Variants in SPAG16 observed in about 807,000 individuals in gnomAD.
SPAG16 encodes sperm associated antigen 16.
In SPAG16, 86 loss-of-function variants were observed where a neutral mutation model predicts 80.4. That is an observed-to-expected ratio of 1.07 (90% CI 0.90 to 1.28). The LOEUF (loss-of-function observed/expected upper bound fraction) is 1.28. Among genes scored for constraint, SPAG16 ranks in the 50% most tolerant of loss-of-function variants. The pLI, the probability that SPAG16 is intolerant of heterozygous loss-of-function variation, is 0.00. For synonymous variants in SPAG16, 294 were observed against 265.9 expected (o/e 1.11, Z -1.03); for missense variants, 870 against 765.3 (o/e 1.14, Z -1.61).
chr2:213,412,188 C>T (rs2069011554), intron 9 of SPAG16, among the ~76,000 whole-genome samples: 1 of 152,172 alleles, frequency 6.6e-6, no homozygotes, highest in Non-Finnish European at 1.5e-5. Flanking sequence ...TTCCAATTAC[C>T]TGCTATCTGC....
intron 14 of SPAG16, among the ~76,000 whole-genome samples, chr2:214,148,776 T>A (rs1367894093): frequency 6.6e-6 from 1 of 152,092 alleles, no homozygotes; most frequent in African/African-American, 2.4e-5. Flanking sequence ...ATGATATATG[T>A]ATATATATGC....
intron 10 of SPAG16, among the ~76,000 whole-genome samples, chr2:213,671,949 C>A (rs1037652567): frequency 3.9e-5 from 6 of 152,050 alleles, no homozygotes; most frequent in Non-Finnish European, 7.4e-5. Context: ...AAATATTATC[C>A]CCATTTATCT....
At chr2:214,156,504 G>A (rs904746507) in intron 15 of SPAG16, among the ~76,000 whole-genome samples, 1 of 152,168 alleles carries the variant, frequency 6.6e-6, no homozygotes, top group East Asian at 1.9e-4. Context: ...ACTGGGCCAG[G>A]CATGGTGGCT....
chr2:214,325,958 C>T (rs1267658582), intron 15 of SPAG16, among the ~76,000 whole-genome samples: 2 of 152,086 alleles, frequency 1.3e-5, no homozygotes, highest in Non-Finnish European at 1.5e-5. Context: ...CAAAACTAGC[C>T]CTAGCACACA....
At chr2:213,777,625 T>A (rs1479124245) in intron 10 of SPAG16, among the ~76,000 whole-genome samples, 1 of 152,124 alleles carries the variant, frequency 6.6e-6, no homozygotes, top group Non-Finnish European at 1.5e-5. Context: ...GCCGGGATGG[T>A]CTCGATCTCC....
intron 10 of SPAG16, among the ~76,000 whole-genome samples, chr2:213,535,414 C>T (rs559535312): frequency 2.6e-5 from 4 of 152,108 alleles, no homozygotes; most frequent in Non-Finnish European, 5.9e-5. Flanking sequence ...ACAAATTCAA[C>T]TTCTAGAGAC....
rs576328658 is a variant in SPAG16 at position 214,410,384 on chromosome 2, C to G, written c.*69C>G. On this transcript the variant is annotated 3_prime_UTR_variant, in exon 16 of 16. Coordinates refer to ENST00000331683, the MANE Select transcript of SPAG16 (RefSeq NM_024532.5). ...GAAAATGCCTCCTGTAGTCCCAAAC[C>G]AGCAAAGAACTGGTTAAATGTGCCA... 1.2e-5 allele frequency: 17 copies of G among 1,410,856 alleles called. No homozygotes were observed. The highest frequency in any genetic ancestry group is 2.9e-5 in the African/African-American group (2 of 69,954). The allele number at this position is 1,410,856 out of a possible 1,614,324, so 87.4% of individuals were successfully genotyped here.
chr2:214,157,834 A>T (rs1018509213), intron 15 of SPAG16, among the ~76,000 whole-genome samples: 31 of 152,248 alleles, frequency 2.0e-4, no homozygotes, highest in Middle Eastern at 3.4e-3. Context: ...GAAAGATTGT[A>T]TACTTAATCT....
chr2:213,922,105 C>T (rs1255392754), intron 11 of SPAG16, among the ~76,000 whole-genome samples: 1 of 152,168 alleles, frequency 6.6e-6, no homozygotes, highest in Non-Finnish European at 1.5e-5. Flanking sequence ...GTACAATATC[C>T]TGATATATGT....
chr2:213,817,347 T>C (rs2125683652), intron 10 of SPAG16, among the ~76,000 whole-genome samples: 1 of 150,700 alleles, frequency 6.6e-6, no homozygotes, highest in East Asian at 1.9e-4. Context: ...GAAAAGATGC[T>C]GGTGAGACTA....
chr2:213,618,358 T>C (rs2061666023), intron 10 of SPAG16, among the ~76,000 whole-genome samples: 1 of 152,196 alleles, frequency 6.6e-6, no homozygotes, highest in African/African-American at 2.4e-5. Context: ...ATTATGATAT[T>C]TTTCCTTCAT....
chr2:213,676,148 A>G (rs1361610347), intron 10 of SPAG16, among the ~76,000 whole-genome samples: 2 of 151,432 alleles, frequency 1.3e-5, no homozygotes, highest in African/African-American at 2.4e-5. Flanking sequence ...CTTTGAAGCA[A>G]TTGTGAATGG....
chr2:214,190,545 G>A (rs180755355), intron 15 of SPAG16, among the ~76,000 whole-genome samples: 14 of 152,026 alleles, frequency 9.2e-5, no homozygotes, highest in African/African-American at 3.4e-4. Flanking sequence ...GACTACAAAG[G>A]CTATTATCTC....
At chr2:214,017,510 A>T (rs563865981) in intron 13 of SPAG16, among the ~76,000 whole-genome samples, 5 of 152,076 alleles carry the variant, frequency 3.3e-5, no homozygotes, top group African/African-American at 1.2e-4. Flanking sequence ...ACTTTCTCTT[A>T]TGTGAAAAAC....
intron 13 of SPAG16, among the ~76,000 whole-genome samples, chr2:214,022,525 G>T (rs533864530): frequency 2.6e-5 from 4 of 152,236 alleles, no homozygotes; most frequent in African/African-American, 7.2e-5. Context: ...TGACAGATGA[G>T]AACTCAGTAT....
At chr2:214,241,094 T>G (rs981682042) in intron 15 of SPAG16, 3 of 152,208 alleles carry the variant, frequency 2.0e-5, no homozygotes, top group Non-Finnish European at 2.9e-5. Context: ...GGCTCACGCC[T>G]GTAATCCTAG....
intron 14 of SPAG16, among the ~76,000 whole-genome samples, chr2:214,123,194 T>A (rs184254839): frequency 6.6e-6 from 1 of 152,058 alleles, no homozygotes; most frequent in East Asian, 1.9e-4. Context: ...TACTTTGTTT[T>A]GGTGTTAGAA....
intron 9 of SPAG16, among the ~76,000 whole-genome samples, chr2:213,472,879 CA>C (rs2073163614): frequency 6.6e-6 from 1 of 152,152 alleles, no homozygotes; most frequent in Admixed American, 6.5e-5. Flanking sequence ...CTCCAATGCA[CA>C]GTTACCCTAG....
intron 13 of SPAG16, among the ~76,000 whole-genome samples, chr2:214,015,407 T>C (rs2047538160): frequency 6.6e-6 from 1 of 152,134 alleles, no homozygotes; most frequent in Non-Finnish European, 1.5e-5. Context: ...CAGACCAGCC[T>C]GTCCAACATG....
Sources: gnomAD v4.1 joint callset for allele counts (sites outside exome capture counted in the v4.1 genomes callset) on GRCh38, gnomAD v4.1.1 for gene constraint, MANE v1.5 for transcripts, NCBI Gene and HGNC (gene_info 2026-07-23, HGNC 2026-07-21) for gene names.